Variants in INAVA observed in about 807,000 individuals in gnomAD.
INAVA encodes innate immunity activator protein.
In INAVA, 32 loss-of-function variants were observed where a neutral mutation model predicts 55.3. The ratio of observed to expected loss-of-function variants is 0.58; its 90% CI spans 0.44 to 0.78. INAVA has a LOEUF of 0.78. INAVA is among the 30% of genes least tolerant of loss of function. The pLI is 0.00. For synonymous variants in INAVA, 294 were observed against 329.4 expected, an observed-to-expected ratio of 0.89 and a Z score of 1.16; for missense variants, 756 against 786.4, an observed-to-expected ratio of 0.96 and a Z score of 0.46.
chr1:200,900,289 A>C (rs1653186006), intron 4 of INAVA, 69 bp downstream of exon 4: 2 of 1,368,476 alleles, frequency 1.5e-6, no homozygotes, highest in Non-Finnish European at 2.1e-6. Context: ...GCCACACCTC[A>C]GCTCAGTACC....
intron 1 of INAVA, among the ~76,000 whole-genome samples, chr1:200,897,697 T>C (rs752024909): frequency 6.6e-6 from 1 of 151,962 alleles, no homozygotes; most frequent in South Asian, 2.1e-4. Context: ...GGCGTGAACA[T>C]GGCTCACTGC....
intron 9 of INAVA, 27 bp from the exon 10 acceptor site, chr1:200,913,510 C>T (rs1185752844): frequency 1.3e-6 from 2 of 1,599,954 alleles, no homozygotes; most frequent in Admixed American, 1.7e-5. Flanking sequence ...CATTTACCCA[C>T]CTGTCCTTTC....
chr1:200,895,934 G>T (rs923632689), intron 1 of INAVA, among the ~76,000 whole-genome samples: 1 of 152,188 alleles, frequency 6.6e-6, no homozygotes, highest in Non-Finnish European at 1.5e-5. Context: ...TGTTCTCTTT[G>T]CTCTACTTGG....
chr1:200,894,861 T>G (rs1668307118), upstream of INAVA: 2 of 985,610 alleles, frequency 2.0e-6, no homozygotes, highest in African/African-American at 3.5e-5. Context: ...TCCTCCCCTC[T>G]GACTCAAGTC....
At position 200,898,328 on chromosome 1, in the gene INAVA, T is replaced by A. The variant is rs771584167; in HGVS notation, c.-73T>A. ...AAAGCTGGGGAAGCTCCAGGCTACC[T>A]ACACAACCTGGCCCAGGCTGGTCAC... On this transcript the variant is annotated 5_prime_UTR_variant, in exon 2 of 10. Coordinates refer to ENST00000413687, the MANE Select transcript of INAVA (RefSeq NM_001142569.3). 9.3e-6 allele frequency: 15 copies of A among 1,612,644 alleles called. No homozygotes were observed. The highest frequency in any genetic ancestry group is 1.3e-5 in the Non-Finnish European group (15 of 1,179,686).
chr1:200,893,958 G>A (rs1668285515), upstream of INAVA, among the ~76,000 whole-genome samples: 1 of 152,008 alleles, frequency 6.6e-6, no homozygotes, highest in South Asian at 2.1e-4. Context: ...AGAGAGTGGG[G>A]GGAAAGGGAG....
chr1:200,895,470 C>T (rs772508041), intron 1 of INAVA, among the ~76,000 whole-genome samples: 4 of 151,022 alleles, frequency 2.6e-5, no homozygotes, highest in African/African-American at 4.9e-5. Context: ...ATTGTTCAGC[C>T]GGGTGGGCTG....
In INAVA at chr1:200,898,328, T is replaced by C; in HGVS notation, c.-73T>C. On this transcript the variant is annotated 5_prime_UTR_variant, in exon 2 of 10. Transcript: ENST00000413687. The stretch of plus-strand genomic sequence containing the variant: ...AAAGCTGGGGAAGCTCCAGGCTACC[T>C]ACACAACCTGGCCCAGGCTGGTCAC... 4.3e-6 allele frequency: 7 copies of C among 1,612,644 alleles called. No individual in the cohort carries two copies. Among genetic ancestry groups the C allele is most frequent in the Non-Finnish European group, 5.1e-6 (6 of 1,179,686 alleles).
Position 200,908,924 on chromosome 1 carries a change from C to G in INAVA, c.769C>G (p.Pro257Ala). ...PYEKPRKSSE[P>A]WSESSSPATT... ...TGAGAAGCCCAGGAAGTCTTCTGAG[C>G]CCTGGAGCGAGTCCAGGTCAGGATC... The change falls in exon 7 of 10, where the codon CCC becomes GCC. Residue 257 changes from proline (P) to alanine (A), a missense_variant. Pro to Ala is a conservative substitution (Grantham distance 27). Coordinates refer to ENST00000413687, the MANE Select transcript of INAVA (RefSeq NM_001142569.3). The G allele has an allele frequency of 6.2e-7, 1 of 1,612,968 alleles. No individual in the cohort carries two copies. Among genetic ancestry groups the G allele is most frequent in the Non-Finnish European group, 8.5e-7 (1 of 1,179,528 alleles).
At chr1:200,908,013 C>G in intron 6 of INAVA, 126 bp downstream of exon 6, 1 of 666,132 alleles carries the variant, frequency 1.5e-6, no homozygotes, top group Non-Finnish European at 2.7e-6. Context: ...CTTAGGGTTT[C>G]CGCTTGGACT....
intron 3 of INAVA, 26 bp from the exon 4 acceptor site, chr1:200,900,078 C>G (rs1309425315): frequency 6.3e-7 from 1 of 1,584,332 alleles, no homozygotes; most frequent in Non-Finnish European, 8.6e-7. Context: ...TGGAGAGGAC[C>G]TGGCTGGTCT....
rs566211439 is a variant in INAVA at position 200,912,037 on chromosome 1, G to A, written c.1544G>A (p.Ser515Asn). The change falls in exon 9 of 10, where the codon AGC becomes AAC. Residue 515 changes from serine (S) to asparagine (N), a missense_variant. By Grantham distance (46) the Ser-to-Asn change is conservative. This residue lies in a region of INAVA where 117 missense variants were observed against 162.1 expected (regional missense o/e 0.72). Transcript: ENST00000413687. ...TGGCACGAGCGTGCACGCCTCCGGA[G>A]CACCCGCCCCCACTCACTGGACCGC... ...KWWHERARLR[S>N]TRPHSLDRQG... 7.0e-5 allele frequency: 108 copies of A among 1,544,146 alleles called. 1 individual carries two copies. Among genetic ancestry groups the A allele is most frequent in the Middle Eastern group, 3.4e-4 (2 of 5,922 alleles).
intron 8 of INAVA, 122 bp from the exon 9 acceptor site, chr1:200,911,331 G>A (rs75347729): frequency 2.1e-6 from 2 of 937,294 alleles, no homozygotes; most frequent in East Asian, 2.4e-5. Context: ...ACCCTTGCAC[G>A]AGGGCCATGC....
Position 200,901,115 on chromosome 1 carries a change from G to C in INAVA, c.476G>C (p.Arg159Pro). The C allele has an allele frequency of 1.3e-6, 2 of 1,530,584 alleles. No individual in the cohort carries two copies. The highest frequency in any genetic ancestry group is 1.2e-5 in the South Asian group (1 of 83,636). The allele number at this position is 1,530,584 out of a possible 1,614,324, so 94.8% of individuals were successfully genotyped here. Residue 159 changes from arginine to proline, a missense_variant, in exon 5 of 10, where the codon CGC (arginine) becomes CCC (proline). Coordinates refer to ENST00000413687, the MANE Select transcript of INAVA (RefSeq NM_001142569.3). ...ELQRCLVERRRNSEPPPAAAL... is the reference protein window; with the variant it reads ...ELQRCLVERRPNSEPPPAAAL... The stretch of plus-strand genomic sequence containing the variant: ...CAGCGCTGCCTGGTCGAGCGGCGGC[G>C]CAATAGCGAGCCACCTCCGGCTGCT...
At chr1:200,907,613 C>A (rs1653547126) in intron 5 of INAVA, among the ~76,000 whole-genome samples, 1 of 151,780 alleles carries the variant, frequency 6.6e-6, no homozygotes, top group South Asian at 2.1e-4. Flanking sequence ...GAGCCATGAT[C>A]ACACCACTGC....
upstream of INAVA, among the ~76,000 whole-genome samples, chr1:200,892,754 C>T (rs1240644202): frequency 2.6e-5 from 4 of 152,164 alleles, no homozygotes; most frequent in Non-Finnish European, 5.9e-5. Context: ...ACATGGCCAT[C>T]AGAGAGCTCC....
upstream of INAVA, among the ~76,000 whole-genome samples, chr1:200,892,710 G>A (rs1319820500): frequency 6.6e-6 from 1 of 152,144 alleles, no homozygotes; most frequent in African/African-American, 2.4e-5. Context: ...CCTCTGGAGT[G>A]CCCACCTCCC....
upstream of INAVA, chr1:200,894,720 C>T (rs1668303707): frequency 1.1e-6 from 1 of 889,330 alleles, no homozygotes; most frequent in Non-Finnish European, 1.3e-6. Flanking sequence ...TTGTTGTCTT[C>T]TTTGGGGATT....
Position 200,908,890 on chromosome 1 carries a change from C to T in INAVA, c.735C>T (p.Asp245=), listed in dbSNP as rs1571870529. 6.2e-7 allele frequency: 1 copy of T among 1,613,946 alleles called. No homozygotes were observed. The highest frequency in any genetic ancestry group is 8.5e-7 in the Non-Finnish European group (1 of 1,179,910). Residue 245 remains aspartate (D), a synonymous_variant, in exon 7 of 10, where the codon GAC becomes GAT. Coordinates refer to ENST00000413687, the MANE Select transcript of INAVA (RefSeq NM_001142569.3). The part of the protein sequence containing the change: ...QNSPWKETSL[D]HPYEKPRKSS... Reference sequence around the variant, plus strand: ...GCCCCTGGAAGGAAACCAGCCTGGACCACCCCTATGAGAAGCCCAGGAAGT... The same window carrying T: ...GCCCCTGGAAGGAAACCAGCCTGGATCACCCCTATGAGAAGCCCAGGAAGT...
Sources: gnomAD v4.1 joint callset for allele counts (sites outside exome capture counted in the v4.1 genomes callset) on GRCh38, gnomAD v4.1.1 for gene constraint, gnomAD v4.1.1 regional missense constraint, MANE v1.5 for transcripts, NCBI Gene and HGNC (gene_info 2026-07-23, HGNC 2026-07-21) for gene names.